CUL2: variants seen among roughly 807,000 people sequenced by gnomAD.
CUL2 encodes cullin-2.
Under a neutral mutation model 110.2 loss-of-function variants are expected in CUL2, and 22 were observed. The observed-to-expected ratio is 0.20, with a 90% confidence interval of 0.14 to 0.28. The LOEUF (loss-of-function observed/expected upper bound fraction) is 0.28. CUL2 is among the 10% of genes least tolerant of loss of function. CUL2 has a pLI of 1.00. For missense variants in CUL2, 631 were observed against 905.5 expected, an observed-to-expected ratio of 0.70 and a Z score of 3.89; for synonymous variants, 279 against 293.2, an observed-to-expected ratio of 0.95 and a Z score of 0.49.
At chr10:35,093,659 C>CAAAAAAAAAAAAAAAAAAA (rs58582764), upstream of CUL2, among the ~76,000 whole-genome samples, 1 of 87,840 alleles carries the variant, frequency 1.1e-5, no homozygotes, top group African/African-American at 4.4e-5. Flanking sequence ...GACCTTCTCT[C>CAAAAAAAAAAAAAAAAAAA]AAAAAAAAAA....
At chr10:35,114,670 C>T (rs532933526) in intron 1 of CUL2, among the ~76,000 whole-genome samples, 11 of 152,126 alleles carry the variant, frequency 7.2e-5, no homozygotes, top group South Asian at 2.1e-4. Context: ...CATGAGCCAC[C>T]GCGCCTGGCC....
intron 12 of CUL2, 53 bp downstream of exon 12, chr10:35,032,382 T>C (rs1272789123): frequency 1.4e-5 from 21 of 1,455,272 alleles, no homozygotes; most frequent in Non-Finnish European, 1.9e-5. Context: ...TGAGTTCTCA[T>C]TTTCTAATAC....
rs1013981443 is a variant in CUL2, at chr10:35,107,593, A to G, written c.-50-6533T>C. ...AACATTTATTAATTTTAAAAAGTAG[A>G]AGACTTGGGCCTGGCGCGGTGGCTC... is the stretch of plus-strand genomic sequence containing the variant. On this transcript the variant is annotated intron_variant, in intron 1 of 5. Transcript: ENST00000685421. Among the ~76,000 whole-genome samples the G allele has an allele frequency of 3.3e-5, 5 of 151,964 alleles. No individual in the cohort carries two copies. The East Asian group carries it at 5.8e-4, about 18-fold the overall frequency.
chr10:35,063,101 A>G lies in CUL2; in HGVS notation c.120-39T>C, dbSNP rs765041819. ...TAAGGTTTTCATATTTATTGGAGAC[A>G]ATTTTAAAACATAATGAGATTTACC... On this transcript the variant is annotated intron_variant, in intron 2 of 20. Transcript: ENST00000374749. The G allele has an allele frequency of 8.7e-5, 100 of 1,148,730 alleles. 1 individual carries two copies. Among genetic ancestry groups the G allele is most frequent in the Non-Finnish European group, 1.1e-4 (89 of 780,696 alleles). 71.2% of individuals were successfully genotyped at this position (1,148,730 alleles called of 1,614,324 possible).
chr10:35,029,898 ACT>A (rs1448078530), intron 14 of CUL2, among the ~76,000 whole-genome samples: 1 of 152,162 alleles, frequency 6.6e-6, no homozygotes, highest in Non-Finnish European at 1.5e-5. Context: ...TTAAACAAAA[ACT>A]TTTTTATACA....
At chr10:35,100,035 G>A (rs1020099270) in intron 2 of CUL2, among the ~76,000 whole-genome samples, 21 of 151,998 alleles carry the variant, frequency 1.4e-4, no homozygotes, top group African/African-American at 5.1e-4. Flanking sequence ...GAAACTCCTG[G>A]TCTCAAGCAA....
chr10:35,054,265 C>T (rs1056771644), intron 5 of CUL2, among the ~76,000 whole-genome samples, 169 bp downstream of exon 5: 4 of 129,880 alleles, frequency 3.1e-5, no homozygotes, highest in African/African-American at 1.2e-4. Flanking sequence ...ACATCTTTTT[C>T]GTTCCTGAGG....
At chr10:35,071,052 A>G (rs2086664059) in intron 2 of CUL2, 147 bp downstream of exon 2, 1 of 723,732 alleles carries the variant, frequency 1.4e-6, no homozygotes, top group Non-Finnish European at 2.3e-6. Flanking sequence ...GATTGCCATA[A>G]AAGAGGTGAT....
chr10:35,054,412 A>G (rs765298264), intron 5 of CUL2, 22 bp downstream of exon 5: 2 of 1,253,774 alleles, frequency 1.6e-6, no homozygotes, highest in Non-Finnish European at 1.1e-6. Context: ...TATGTTTGCT[A>G]GTCACTTAAA....
chr10:35,045,160 A>T (rs1424262466), intron 6 of CUL2, among the ~76,000 whole-genome samples: 1 of 152,236 alleles, frequency 6.6e-6, no homozygotes, highest in Non-Finnish European at 1.5e-5. Context: ...TAATTTTAAC[A>T]AAGTAGATAC....
intron 1 of CUL2, among the ~76,000 whole-genome samples, chr10:35,085,729 A>G (rs868149086): frequency 6.6e-6 from 1 of 151,578 alleles, no homozygotes; most frequent in Non-Finnish European, 1.5e-5. Flanking sequence ...CTGATAGTGC[A>G]TATGAAACAT....
intron 1 of CUL2, among the ~76,000 whole-genome samples, chr10:35,085,707 A>C (rs1270724598): frequency 3.3e-5 from 5 of 151,804 alleles, no homozygotes; most frequent in Non-Finnish European, 2.9e-5. Flanking sequence ...AAAAAAAAAA[A>C]AAAAAAAAAA....
chr10:35,061,718 C>T (rs887109794), intron 3 of CUL2, among the ~76,000 whole-genome samples: 3 of 151,412 alleles, frequency 2.0e-5, no homozygotes, highest in Non-Finnish European at 2.9e-5. Flanking sequence ...AGAGCATTTT[C>T]CAATATTTTC....
chr10:35,061,035 G>A (rs2086368210), intron 3 of CUL2, 67 bp from the exon 4 acceptor site: 1 of 1,469,418 alleles, frequency 6.8e-7, no homozygotes, highest in Non-Finnish European at 9.2e-7. Context: ...ACAATAAAAT[G>A]TATCAAAATT....
chr10:35,046,196 A>G (rs2085936100), intron 6 of CUL2, among the ~76,000 whole-genome samples: 1 of 152,248 alleles, frequency 6.6e-6, no homozygotes. Context: ...ATCACTGACT[A>G]GTTCATATAA....
chr10:35,022,812 C>T (rs544551410), intron 17 of CUL2, among the ~76,000 whole-genome samples: 34 of 152,088 alleles, frequency 2.2e-4, no homozygotes, highest in African/African-American at 7.2e-4. Flanking sequence ...TTTAGGAGGC[C>T]GAGGTGGGTG....
chr10:35,013,241 A>G (rs936337966), intron 19 of CUL2, among the ~76,000 whole-genome samples: 1 of 151,586 alleles, frequency 6.6e-6, no homozygotes, highest in Non-Finnish European at 1.5e-5. Context: ...GCTACTCAGG[A>G]GGCTGAGGCA....
Position 35,031,535 on chromosome 10 carries a change from T to C in CUL2, c.1255A>G (p.Ile419Val). 1 of 1,614,208 alleles carries C rather than the reference T, an allele frequency of 6.2e-7. No homozygotes were observed. Among genetic ancestry groups the C allele is most frequent in the Non-Finnish European group, 8.5e-7 (1 of 1,180,028 alleles). ...NEVEDRLTSF[I>V]TVFKYIDDKD... ...TCATCAATGTATTTGAACACTGTGATGAAGCTCGTGAGCCTGTCTTCCACT... is the reference window on the plus strand; with the variant it reads ...TCATCAATGTATTTGAACACTGTGACGAAGCTCGTGAGCCTGTCTTCCACT... Residue 419 changes from isoleucine to valine, a missense_variant, in exon 13 of 21, where the codon ATC becomes GTC. Transcript: ENST00000374749. The surrounding 1 kb of genome is among the most constrained non-coding windows in gnomAD (Gnocchi z 4.4).
rs187222227 is a variant in CUL2, at chr10:35,019,879, G to A, written c.1685-3485C>T. ...AACTACATTAGGTTCCTGGAACAGGGTATTCATGCCAAAGTATCATCCCTC... is the reference window on the plus strand; with the variant it reads ...AACTACATTAGGTTCCTGGAACAGGATATTCATGCCAAAGTATCATCCCTC... On this transcript the variant is annotated intron_variant, in intron 17 of 20. Transcript: ENST00000374749. 7.4e-4 allele frequency among the ~76,000 whole-genome samples: 113 copies of A among 152,294 alleles called. 1 individual carries two copies. Among genetic ancestry groups the A allele is most frequent in the Admixed American group, 2.7e-3 (42 of 15,294 alleles).
Sources: gnomAD v4.1 joint callset for allele counts (sites outside exome capture counted in the v4.1 genomes callset) on GRCh38, gnomAD v4.1.1 for gene constraint, Gnocchi (gnomAD v3.1) non-coding constraint, MANE v1.5 for transcripts, NCBI Gene and HGNC (gene_info 2026-07-23, HGNC 2026-07-21) for gene names.